The following AGAP6 variants were observed in gnomAD, a reference collection of about 807,000 sequenced individuals.
The protein encoded by AGAP6 is ArfGAP with GTPase domain, ankyrin repeat and PH domain 6.
Under a neutral mutation model 63.9 loss-of-function variants are expected in AGAP6, and 29 were observed. That is an observed-to-expected ratio of 0.45 (90% CI 0.34 to 0.62). The LOEUF (loss-of-function observed/expected upper bound fraction) is 0.62, where lower values mean the gene tolerates loss of function less well. AGAP6 is among the 20% of genes least tolerant of loss of function. AGAP6 has a pLI of 0.01. For missense variants in AGAP6, 493 were observed against 884.9 expected, an observed-to-expected ratio of 0.56 and a Z score of 5.62; for synonymous variants, 199 against 332.9, an observed-to-expected ratio of 0.60 and a Z score of 4.38.
At chr10:49,992,369 A>C (rs1841316590) in intron 3 of AGAP6, among the ~76,000 whole-genome samples, 1 of 152,204 alleles carries the variant, frequency 6.6e-6, no homozygotes, top group South Asian at 2.1e-4. Context: ...AACAAGCCAT[A>C]CACAGCCAAG....
intron 6 of AGAP6, among the ~76,000 whole-genome samples, chr10:50,004,930 A>G (rs1435492399): frequency 6.6e-6 from 1 of 152,212 alleles, no homozygotes; most frequent in African/African-American, 2.4e-5. Flanking sequence ...TATTGATTAT[A>G]TTGATATTTA....
At chr10:49,994,354 A>T in intron 3 of AGAP6, 41 bp from the exon 4 acceptor site, 1 of 1,507,812 alleles carries the variant, frequency 6.6e-7, no homozygotes, top group Non-Finnish European at 8.9e-7. Flanking sequence ...ATTTTATGGT[A>T]TTTGTATCAG....
At chr10:50,008,637 A>G in intron 7 of AGAP6, 74 bp from the exon 8 acceptor site, 1 of 1,583,260 alleles carries the variant, frequency 6.3e-7, no homozygotes, top group South Asian at 1.2e-5. Context: ...TTAAAAGGTA[A>G]TTGTGAGCTG....
intron 3 of AGAP6, among the ~76,000 whole-genome samples, chr10:49,993,460 A>G (rs1216312937): frequency 6.0e-5 from 6 of 99,752 alleles, no homozygotes; most frequent in East Asian, 2.1e-4. Flanking sequence ...TTTTTAGAGG[A>G]AAAAAAAATG....
chr10:49,996,795 A>G (rs1841508565), intron 4 of AGAP6, among the ~76,000 whole-genome samples: 1 of 149,602 alleles, frequency 6.7e-6, no homozygotes, highest in African/African-American at 2.5e-5. Flanking sequence ...ATTGGCCTGT[A>G]AGTTCACAAC....
intron 5 of AGAP6, among the ~76,000 whole-genome samples, chr10:50,003,449 G>A (rs1419006163): frequency 2.0e-5 from 3 of 152,034 alleles, no homozygotes; most frequent in Admixed American, 2.0e-4. Context: ...CTGTCTCTAG[G>A]CACTGAGAAG....
Position 50,008,851 on chromosome 10 carries a change from C to G in AGAP6, c.726C>G (p.Pro242=), listed in dbSNP as rs781910828. 6.2e-7 allele frequency: 1 copy of G among 1,614,034 alleles called. No homozygotes were observed. Among genetic ancestry groups the G allele is most frequent in the East Asian group, 2.2e-5 (1 of 44,856 alleles). Residue 242 remains proline (P), a synonymous_variant, in exon 8 of 8, where the codon CCC becomes CCG. Coordinates refer to ENST00000412531, the MANE Select transcript of AGAP6 (RefSeq NM_001077665.3). The part of the protein sequence containing the change: ...SVPPTANTPT[P]VCKRSMRWSN... ...CTCCCACTGCCAACACACCCACGCCCGTTTGCAAGCGGTCCATGCGCTGGT... is the reference window on the plus strand; with the variant it reads ...CTCCCACTGCCAACACACCCACGCCGGTTTGCAAGCGGTCCATGCGCTGGT...
At chr10:49,989,978 C>T (rs1841205096) in intron 2 of AGAP6, among the ~76,000 whole-genome samples, 1 of 152,212 alleles carries the variant, frequency 6.6e-6, no homozygotes, top group Admixed American at 6.5e-5. Flanking sequence ...GGGATTGGTT[C>T]ATGGTCAAAA....
Position 50,009,440 on chromosome 10 carries a change from C to CA in AGAP6, c.1316dup (p.Ser440GlufsTer14), listed in dbSNP as rs1554865007. ...GCGGGATGCCTGGGTCCAAGCCATC[C>CA]AGAGCCAGATCCTGGCCAGCCTGCA... On this transcript the variant is annotated frameshift_variant, in exon 8 of 8. Transcript: ENST00000412531. LOFTEE classifies it high-confidence loss of function. 6.2e-7 allele frequency: 1 copy of CA among 1,613,530 alleles called. No homozygotes were observed. The highest frequency in any genetic ancestry group is 8.5e-7 in the Non-Finnish European group (1 of 1,180,020).
intron 3 of AGAP6, among the ~76,000 whole-genome samples, chr10:49,993,742 C>T (rs1841373139): frequency 6.6e-6 from 1 of 150,554 alleles, no homozygotes; most frequent in Admixed American, 6.7e-5. Flanking sequence ...ATTGGTTGAA[C>T]CTGGGAGGCA....
chr10:49,996,910 T>C (rs1487222635), intron 4 of AGAP6, among the ~76,000 whole-genome samples: 4 of 150,514 alleles, frequency 2.7e-5, no homozygotes, highest in African/African-American at 9.8e-5. Context: ...TTATCTACTT[T>C]TTATGTCTCA....
In AGAP6 at chr10:49,997,991, C is replaced by CATATATAT. The variant is rs4043250; in HGVS notation, c.396+3579_396+3586dup. ...TTATTATGGCTGAGGTGGAATTCCTCATATATATATATATATATATATATG... is the reference window on the plus strand; with the variant it reads ...TTATTATGGCTGAGGTGGAATTCCTCATATATATATATATATATATATATATATATATG... On this transcript the variant is annotated intron_variant, in intron 4 of 7. Transcript: ENST00000412531. Among the ~76,000 whole-genome samples the CATATATAT allele has an allele frequency of 5.1e-3, 633 of 124,216 alleles. 45 individuals carry two copies. Among genetic ancestry groups the CATATATAT allele is most frequent in the African/African-American group, 0.019 (593 of 31,444 alleles). 81.5% of individuals were successfully genotyped at this position (124,216 alleles called of 152,430 possible). A position where few individuals can be genotyped will look rare whatever the true frequency, so the allele number is the denominator to read the frequency against.
chr10:49,996,407 A>G (rs149737356), intron 4 of AGAP6, among the ~76,000 whole-genome samples: 10,985 of 152,090 alleles, frequency 0.072, 550 homozygotes, highest in African/African-American at 0.13. Context: ...GTGAGGCCTT[A>G]GAAGCCTGAC....
intron 4 of AGAP6, among the ~76,000 whole-genome samples, chr10:49,994,824 T>C (rs1841423219): frequency 6.6e-6 from 1 of 151,852 alleles, no homozygotes; most frequent in South Asian, 2.1e-4. Flanking sequence ...TAGCCGGGCG[T>C]GGTGGTGCAT....
intron 2 of AGAP6, 66 bp from the exon 3 acceptor site, chr10:49,991,610 T>C (rs1220146240): frequency 1.9e-5 from 31 of 1,590,730 alleles, no homozygotes; most frequent in African/African-American, 2.7e-5. Flanking sequence ...AGCAGTCGAA[T>C]AAACGAGTTG....
intron 4 of AGAP6, among the ~76,000 whole-genome samples, chr10:49,996,599 C>G (rs1398682491): frequency 1.3e-5 from 2 of 151,050 alleles, no homozygotes; most frequent in African/African-American, 4.9e-5. Context: ...TTCTTTATAT[C>G]TCAGGTTTAA....
intron 6 of AGAP6, among the ~76,000 whole-genome samples, chr10:50,005,328 G>A (rs1841875299): frequency 6.6e-6 from 1 of 152,200 alleles, no homozygotes; most frequent in Admixed American, 6.5e-5. Flanking sequence ...GAAGCAATAA[G>A]AGGCTGGGCA....
chr10:50,009,647 A>G lies in AGAP6; in HGVS notation c.1522A>G (p.Ser508Gly), dbSNP rs1280373476. Residue 508 changes from serine to glycine, a missense_variant, in exon 8 of 8, where the codon AGT (serine) becomes GGT (glycine). Transcript: ENST00000412531. ...TATTGAATGCTCAGGTATCCACCGC[A>G]GTCTTGGCCCCCACCTTTCCCGTGT... ...MCIECSGIHR[S>G]LGPHLSRVRS... 604 of 1,614,210 alleles carry G rather than the reference A, an allele frequency of 3.7e-4. 1 individual carries two copies. In the Middle Eastern group the frequency reaches 7.1e-3, roughly 19 times the overall value.
At position 50,009,644 on chromosome 10, in the gene AGAP6, C is replaced by A. The variant is rs187547602; in HGVS notation, c.1519C>A (p.Arg507Ser). ...GTGTATTGAATGCTCAGGTATCCAC[C>A]GCAGTCTTGGCCCCCACCTTTCCCG... is the stretch of plus-strand genomic sequence containing the variant. ...LMCIECSGIHRSLGPHLSRVR... is the reference protein window; with the variant it reads ...LMCIECSGIHSSLGPHLSRVR... Residue 507 changes from arginine to serine, a missense_variant, in exon 8 of 8, where the codon CGC becomes AGC. This residue lies in a region of AGAP6 where 87 missense variants were observed against 92.9 expected (regional missense o/e 0.94). Transcript: ENST00000412531. The A allele has an allele frequency of 2.5e-6, 4 of 1,614,082 alleles. No individual in the cohort carries two copies. Among genetic ancestry groups the A allele is most frequent in the Admixed American group, 1.7e-5 (1 of 60,000 alleles).
Sources: gnomAD v4.1 joint callset for allele counts (sites outside exome capture counted in the v4.1 genomes callset) on GRCh38, gnomAD v4.1.1 for gene constraint, gnomAD v4.1.1 regional missense constraint, MANE v1.5 for transcripts, NCBI Gene and HGNC (gene_info 2026-07-23, HGNC 2026-07-21) for gene names.